CNBD1: variants seen among roughly 807,000 people sequenced by gnomAD.
CNBD1 encodes the protein cyclic nucleotide-binding domain-containing protein 1.
Under a neutral mutation model 54.4 loss-of-function variants are expected in CNBD1, and 71 were observed. That is an observed-to-expected ratio of 1.30 (90% confidence interval 1.08 to 1.59). CNBD1 has a LOEUF of 1.59. CNBD1 is among the 40% of genes most tolerant of loss of function. The pLI is 0.00. For missense variants in CNBD1, 659 were observed against 518.0 expected, an observed-to-expected ratio of 1.27 and a Z score of -2.64; for synonymous variants, 182 against 170.7, an observed-to-expected ratio of 1.07 and a Z score of -0.51.
intron 4 of CNBD1, among the ~76,000 whole-genome samples, chr8:86,944,499 G>A (rs1586152593): frequency 6.6e-6 from 1 of 152,190 alleles, no homozygotes; most frequent in South Asian, 2.1e-4. Context: ...AGAAAGAGGA[G>A]AGAGAGACAA....
At chr8:86,897,517 T>A (rs1247095742) in intron 2 of CNBD1, among the ~76,000 whole-genome samples, 1 of 151,912 alleles carries the variant, frequency 6.6e-6, no homozygotes, top group Non-Finnish European at 1.5e-5. Flanking sequence ...AGAAAGCAGA[T>A]AGTGAGTCTA....
intron 8 of CNBD1, among the ~76,000 whole-genome samples, chr8:87,347,432 G>A (rs531103664): frequency 6.6e-6 from 1 of 152,138 alleles, no homozygotes; most frequent in Non-Finnish European, 1.5e-5. Flanking sequence ...GATGGAGCTT[G>A]CATCCTAATG....
chr8:87,276,966 A>T (rs1179732358), intron 6 of CNBD1, among the ~76,000 whole-genome samples: 1 of 137,838 alleles, frequency 7.3e-6, no homozygotes, highest in Non-Finnish European at 1.6e-5. Flanking sequence ...GAGAAAATGG[A>T]GCTTGAATAA....
chr8:87,219,519 A>T (rs1398238872), intron 5 of CNBD1, among the ~76,000 whole-genome samples: 1 of 151,972 alleles, frequency 6.6e-6, no homozygotes, highest in Non-Finnish European at 1.5e-5. Flanking sequence ...TCTAAAGACC[A>T]TATATATGTA....
chr8:87,088,079 ATCC>A (rs1433996115), intron 4 of CNBD1, among the ~76,000 whole-genome samples: 1 of 152,190 alleles, frequency 6.6e-6, no homozygotes, highest in Non-Finnish European at 1.5e-5. Context: ...CAAAAGTTCC[ATCC>A]TCCTTTTCAA....
At chr8:87,315,520 G>C (rs1438569134) in intron 8 of CNBD1, among the ~76,000 whole-genome samples, 1 of 151,932 alleles carries the variant, frequency 6.6e-6, no homozygotes, top group Non-Finnish European at 1.5e-5. Context: ...CACATGGTGA[G>C]AGACAAAGCA....
intron 4 of CNBD1, among the ~76,000 whole-genome samples, chr8:87,190,064 A>G (rs540090156): frequency 1.3e-5 from 2 of 152,196 alleles, no homozygotes; most frequent in Non-Finnish European, 1.5e-5. Flanking sequence ...AACTATTAAG[A>G]AGGTCCAAGA....
Position 86,977,431 on chromosome 8 carries a change from GATCT to G in CNBD1, c.431+37682_431+37685del, listed in dbSNP as rs542081139. Among the ~76,000 whole-genome samples the G allele has an allele frequency of 4.4e-3, 665 of 151,950 alleles. 2 individuals are homozygous for G. Among genetic ancestry groups the G allele is most frequent in the African/African-American group, 0.014 (599 of 41,470 alleles). ...CTCCTCAGATTGGAAGATTTCCAGT[GATCT>G]ATCTTTGAGTTGACTGATTATTTCT... On this transcript the variant is annotated intron_variant, in intron 4 of 10. Coordinates refer to ENST00000518476, the MANE Select transcript of CNBD1 (RefSeq NM_173538.3).
chr8:87,385,464 G>T (rs1441183461), downstream of CNBD1, among the ~76,000 whole-genome samples: 5 of 152,098 alleles, frequency 3.3e-5, no homozygotes, highest in Non-Finnish European at 4.4e-5. Flanking sequence ...CACACCAGGA[G>T]ATTATATCCT....
Position 87,165,177 on chromosome 8 carries a change from C to T in CNBD1, c.432-40816C>T, listed in dbSNP as rs75209973. ...TTGTTCATAATTATTTGTGGCCTAA[C>T]GTATGATTTATTCTGAACAATGCTC... On this transcript the variant is annotated intron_variant, in intron 4 of 10. Transcript: ENST00000518476. 5.0e-3 allele frequency among the ~76,000 whole-genome samples: 759 copies of T among 151,936 alleles called. 2 individuals carry two copies. Among genetic ancestry groups the T allele is most frequent in the African/African-American group, 0.017 (705 of 41,506 alleles).
intron 8 of CNBD1, among the ~76,000 whole-genome samples, chr8:87,322,029 C>T (rs1172115687): frequency 3.5e-5 from 5 of 142,372 alleles, no homozygotes; most frequent in African/African-American, 1.1e-4. Context: ...GTTCAATTCC[C>T]ACCTATGAGT....
chr8:87,164,997 A>AT lies in CNBD1; in HGVS notation c.432-40986dup, dbSNP rs1044963272. Among the ~76,000 whole-genome samples, 32 of 148,884 alleles carry AT rather than the reference A, an allele frequency of 2.1e-4. No homozygotes were observed. In the East Asian group the frequency reaches 3.1e-3, roughly 15 times the overall value. On this transcript the variant is annotated intron_variant, in intron 4 of 10. Coordinates refer to ENST00000518476, the MANE Select transcript of CNBD1 (RefSeq NM_173538.3). ...TGTTTCCATTTTCATAAGTCACAAGATTTTTTTTTTACTTCTCTTTTGATA... is the reference window on the plus strand; with the variant it reads ...TGTTTCCATTTTCATAAGTCACAAGATTTTTTTTTTTACTTCTCTTTTGATA...
At chr8:87,248,200 G>A (rs1807845614) in intron 6 of CNBD1, among the ~76,000 whole-genome samples, 1 of 152,162 alleles carries the variant, frequency 6.6e-6, no homozygotes, top group African/African-American at 2.4e-5. Flanking sequence ...TCTGGGTTGT[G>A]TACCATGGTG....
chr8:87,416,223 A>G (rs1463871821), intron 2 of CNBD1, among the ~76,000 whole-genome samples: 1 of 152,062 alleles, frequency 6.6e-6, no homozygotes, highest in Non-Finnish European at 1.5e-5. Flanking sequence ...CTTGCAATAT[A>G]TAATAGAATA....
At chr8:86,923,660 A>G (rs551042381) in intron 3 of CNBD1, among the ~76,000 whole-genome samples, 12 of 152,248 alleles carry the variant, frequency 7.9e-5, no homozygotes, top group African/African-American at 2.9e-4. Flanking sequence ...TCCTGCCTCA[A>G]TGCAACATCT....
intron 8 of CNBD1, among the ~76,000 whole-genome samples, chr8:87,337,675 C>A (rs987924939): frequency 3.9e-5 from 6 of 152,216 alleles, no homozygotes; most frequent in African/African-American, 1.4e-4. Context: ...CCAGGCTGGG[C>A]AGCACACTCA....
At chr8:87,342,231 C>T (rs768423883) in intron 8 of CNBD1, among the ~76,000 whole-genome samples, 5 of 151,536 alleles carry the variant, frequency 3.3e-5, no homozygotes, top group Admixed American at 6.6e-5. Context: ...TGAGATTGTG[C>T]CACTGCACTC....
At chr8:87,387,410 G>T (rs1192343390), downstream of CNBD1, among the ~76,000 whole-genome samples, 1 of 151,982 alleles carries the variant, frequency 6.6e-6, no homozygotes, top group Non-Finnish European at 1.5e-5. Flanking sequence ...GATGGAGGAA[G>T]ATCTACCAAG....
In CNBD1 at chr8:86,964,615, C is replaced by A. The variant is rs1423689058; in HGVS notation, c.431+24861C>A. 2.0e-5 allele frequency among the ~76,000 whole-genome samples: 3 copies of A among 152,158 alleles called. No homozygotes were observed. In the South Asian group the frequency reaches 6.2e-4, roughly 31 times the overall value. ...GTAAGCCCTGAAGAGAAAAGGGGACCCGAATCTAAATGGGACCGTGTTTAC... is the reference window on the plus strand; with the variant it reads ...GTAAGCCCTGAAGAGAAAAGGGGACACGAATCTAAATGGGACCGTGTTTAC... On this transcript the variant is annotated intron_variant, in intron 4 of 10. Transcript: ENST00000518476.
Sources: gnomAD v4.1 joint callset for allele counts (sites outside exome capture counted in the v4.1 genomes callset) on GRCh38, gnomAD v4.1.1 for gene constraint, MANE v1.5 for transcripts, NCBI Gene and HGNC (gene_info 2026-07-23, HGNC 2026-07-21) for gene names.